Variants in GRM8 observed in about 807,000 individuals in gnomAD.
The protein encoded by GRM8 is metabotropic glutamate receptor 8.
GRM8 carries 47 observed loss-of-function variants against 87.2 expected under a neutral mutation model. The observed-to-expected ratio is 0.54, with a 90% CI of 0.43 to 0.69. The LOEUF is 0.69. Among genes scored for constraint, GRM8 ranks in the 30% least tolerant of loss-of-function variants. The pLI is 0.00. For synonymous variants in GRM8, 396 were observed against 404.5 expected (o/e 0.98, Z 0.25); for missense variants, 1,019 against 1,139.2 (o/e 0.89, Z 1.52).
At chr7:126,641,287 A>C (rs1435440022) in intron 7 of GRM8, among the ~76,000 whole-genome samples, 1 of 152,210 alleles carries the variant, frequency 6.6e-6, no homozygotes, top group Non-Finnish European at 1.5e-5. Flanking sequence ...ACCCAAAACA[A>C]AGAAAAAGTC....
intron 6 of GRM8, among the ~76,000 whole-genome samples, chr7:126,783,009 AATCAGCCTCTGCTTCT>A (rs1820247111): frequency 6.6e-6 from 1 of 152,174 alleles, no homozygotes; most frequent in African/African-American, 2.4e-5. Flanking sequence ...CAATTAATTC[AATCAGCCTCTGCTTCT>A]ATCAGACATC....
At chr7:127,207,243 A>C (rs1795964278) in intron 2 of GRM8, among the ~76,000 whole-genome samples, 1 of 152,198 alleles carries the variant, frequency 6.6e-6, no homozygotes, top group Non-Finnish European at 1.5e-5. Context: ...ATTTGTATTT[A>C]CTATCTATGC....
At chr7:126,743,284 A>G (rs148109784) in intron 7 of GRM8, among the ~76,000 whole-genome samples, 1 of 152,126 alleles carries the variant, frequency 6.6e-6, no homozygotes, top group Non-Finnish European at 1.5e-5. Flanking sequence ...TTATAGCTTA[A>G]TGTGCTATAA....
At chr7:126,835,416 G>A (rs1027807385) in intron 6 of GRM8, among the ~76,000 whole-genome samples, 2 of 152,046 alleles carry the variant, frequency 1.3e-5, no homozygotes, top group Admixed American at 6.6e-5. Context: ...CAATGATTCC[G>A]GTGAAATATG....
rs1813453681 is a variant in GRM8 at position 126,730,348 on chromosome 7, T to C, written c.1357+39517A>G. Among the ~76,000 whole-genome samples, 3 of 152,146 alleles carry C rather than the reference T, an allele frequency of 2.0e-5. No homozygotes were observed. The South Asian group carries it at 6.2e-4, about 32-fold the overall frequency. On this transcript the variant is annotated intron_variant, in intron 7 of 10. Transcript: ENST00000339582. ...GAAAAAAAATAAAATAAGAGCACTTTTGAAGTTGGAAAATGCCTGAGCAAA... is the reference window on the plus strand; with the variant it reads ...GAAAAAAAATAAAATAAGAGCACTTCTGAAGTTGGAAAATGCCTGAGCAAA...
At chr7:126,585,837 C>A (rs188556959) in intron 8 of GRM8, among the ~76,000 whole-genome samples, 2 of 152,092 alleles carry the variant, frequency 1.3e-5, no homozygotes, top group Admixed American at 6.6e-5. Flanking sequence ...CCAGGGTAAT[C>A]AGGCAGGAGA....
At chr7:126,728,196 GAC>G (rs1251830104) in intron 7 of GRM8, among the ~76,000 whole-genome samples, 4 of 152,136 alleles carry the variant, frequency 2.6e-5, no homozygotes, top group Non-Finnish European at 5.9e-5. Context: ...TCCAGTAGGG[GAC>G]TGCAGCACAT....
At chr7:126,725,426 T>C (rs1387567123) in intron 7 of GRM8, among the ~76,000 whole-genome samples, 2 of 152,144 alleles carry the variant, frequency 1.3e-5, no homozygotes, top group East Asian at 1.9e-4. Flanking sequence ...ACAATCCCTA[T>C]GTTGACTAAT....
At chr7:126,485,904 C>T (rs552064111) in intron 9 of GRM8, among the ~76,000 whole-genome samples, 4 of 152,040 alleles carry the variant, frequency 2.6e-5, no homozygotes, top group South Asian at 2.1e-4. Flanking sequence ...ACCAACAGAG[C>T]GAACTCTTTT....
At chr7:126,962,660 C>T (rs2131694969) in intron 3 of GRM8, among the ~76,000 whole-genome samples, 1 of 152,182 alleles carries the variant, frequency 6.6e-6, no homozygotes, top group Admixed American at 6.5e-5. Flanking sequence ...CAATTTTAAC[C>T]AATCCTCTTC....
At chr7:126,951,812 T>C (rs906924048) in intron 3 of GRM8, among the ~76,000 whole-genome samples, 1 of 152,018 alleles carries the variant, frequency 6.6e-6, no homozygotes, top group Non-Finnish European at 1.5e-5. Flanking sequence ...TTACAGTATT[T>C]AGTATAAATT....
At chr7:126,664,504 C>CA (rs1188401614) in intron 7 of GRM8, among the ~76,000 whole-genome samples, 1 of 151,956 alleles carries the variant, frequency 6.6e-6, no homozygotes, top group Non-Finnish European at 1.5e-5. Context: ...ACAAAGTTGA[C>CA]AAAAATAAGC....
intron 7 of GRM8, among the ~76,000 whole-genome samples, chr7:126,705,636 C>T (rs1167421123): frequency 6.6e-6 from 1 of 151,966 alleles, no homozygotes; most frequent in Non-Finnish European, 1.5e-5. Flanking sequence ...GGTTAATATA[C>T]ATAGGTTAAC....
intron 9 of GRM8, among the ~76,000 whole-genome samples, chr7:126,459,009 GA>G (rs879422583): frequency 2.2e-3 from 289 of 133,358 alleles, no homozygotes; most frequent in African/African-American, 5.6e-3. Flanking sequence ...AACTTTAATA[GA>G]AAAAAAAAAA....
intron 7 of GRM8, among the ~76,000 whole-genome samples, chr7:126,640,313 G>A (rs2027990): frequency 0.31 from 46,797 of 151,948 alleles, 8,081 homozygotes; most frequent in East Asian, 0.43. Context: ...CATATGCCAC[G>A]TGTGGGAGAG....
At chr7:127,212,659 C>T (rs1384726395) in intron 2 of GRM8, among the ~76,000 whole-genome samples, 28 of 152,120 alleles carry the variant, frequency 1.8e-4, no homozygotes, top group Middle Eastern at 3.4e-3. Flanking sequence ...CCTCGTGATC[C>T]GCCCGCCTCG....
At chr7:126,821,444 C>CA (rs1200293901) in intron 6 of GRM8, among the ~76,000 whole-genome samples, 1 of 152,178 alleles carries the variant, frequency 6.6e-6, no homozygotes, top group African/African-American at 2.4e-5. Flanking sequence ...AGTGGAATAA[C>CA]AACAACATTC....
intron 3 of GRM8, among the ~76,000 whole-genome samples, chr7:126,924,968 A>C: frequency 6.6e-6 from 1 of 152,162 alleles, no homozygotes; most frequent in Non-Finnish European, 1.5e-5. Flanking sequence ...AAAAACAGGC[A>C]AAGAAGAGAC....
At chr7:127,080,062 C>T (rs2283090) in intron 3 of GRM8, among the ~76,000 whole-genome samples, 43,284 of 152,030 alleles carry the variant, frequency 0.28, 6,807 homozygotes, top group African/African-American at 0.42. Flanking sequence ...GCAAATGGAA[C>T]TAAGGTAGCT....
Sources: gnomAD v4.1 joint callset for allele counts (sites outside exome capture counted in the v4.1 genomes callset) on GRCh38, gnomAD v4.1.1 for gene constraint, MANE v1.5 for transcripts, NCBI Gene and HGNC (gene_info 2026-07-23, HGNC 2026-07-21) for gene names.